Variants in GSR observed in about 807,000 individuals in gnomAD.
GSR encodes glutathione reductase, mitochondrial.
GSR carries 48 observed loss-of-function variants against 56.5 expected under a neutral mutation model. The ratio of observed to expected loss-of-function variants is 0.85; its 90% confidence interval spans 0.67 to 1.08. GSR has a LOEUF of 1.08. Ranked by LOEUF, GSR falls within the 50% of genes least tolerant of loss-of-function variation. The pLI is 0.00. For synonymous variants in GSR, 264 were observed against 270.8 expected, an observed-to-expected ratio of 0.97 and a Z score of 0.25; for missense variants, 694 against 703.3, an observed-to-expected ratio of 0.99 and a Z score of 0.15.
chr8:30,700,677 T>A (rs1265176184), intron 5 of GSR, among the ~76,000 whole-genome samples: 1 of 127,336 alleles, frequency 7.9e-6, no homozygotes, highest in Non-Finnish European at 1.6e-5. Flanking sequence ...TGAGCCGAGA[T>A]CGTGCCACTG....
At chr8:30,705,706 T>C (rs1462514046) in intron 4 of GSR, among the ~76,000 whole-genome samples, 1 of 152,078 alleles carries the variant, frequency 6.6e-6, no homozygotes, top group Non-Finnish European at 1.5e-5. Flanking sequence ...CCCTCCAGTC[T>C]GCTCAAGAGA....
rs1301297124 is a variant in GSR, at chr8:30,696,411, G to A, written c.764C>T (p.Ser255Phe). Residue 255 changes from serine (S) to phenylalanine (F), a missense_variant, in exon 7 of 13, where the codon TCT becomes TTT. Physicochemically the swap from Ser to Phe is radical, Grantham distance 155 (BLOSUM62 -2). Coordinates refer to ENST00000221130, the MANE Select transcript of GSR (RefSeq NM_000637.5). ...ATGCCGTATCATCAGTGATGTCTTAGAACCCAGGGCTGACAGGATCCCTGC... is the reference window on the plus strand; with the variant it reads ...ATGCCGTATCATCAGTGATGTCTTAAAACCCAGGGCTGACAGGATCCCTGC... The part of the protein sequence containing the change: ...EMAGILSALG[S>F]KTSLMIRHDK... The A allele has an allele frequency of 6.2e-7, 1 of 1,611,674 alleles. No individual in the cohort carries two copies.
intron 1 of GSR, among the ~76,000 whole-genome samples, chr8:30,715,926 CAT>C (rs1255662413): frequency 2.0e-5 from 3 of 152,148 alleles, no homozygotes; most frequent in African/African-American, 4.8e-5. Context: ...AATTTTAAAA[CAT>C]ATTCTTTTTT....
At position 30,703,223 on chromosome 8, in the gene GSR, G is replaced by A. The variant is rs1473096531; in HGVS notation, c.510C>T (p.Ile170=). ...NNLTKSHIEI[I]RGHAAFTSDP... is the part of the protein sequence containing the mutation. ...CACTCGTGAAGGCTGCATGGCCACG[G>A]ATGATTTCTATATGGGACTAAAGAA... The change falls in exon 5 of 13, where the codon ATC becomes ATT. Residue 170 remains isoleucine (I), a synonymous_variant. Coordinates refer to ENST00000221130, the MANE Select transcript of GSR (RefSeq NM_000637.5). 1 of 1,614,008 alleles carries A rather than the reference G, an allele frequency of 6.2e-7. No individual in the cohort carries two copies. Among genetic ancestry groups the A allele is most frequent in the South Asian group, 1.1e-5 (1 of 91,082 alleles).
chr8:30,684,243 C>T (rs766159183), intron 9 of GSR, 44 bp from the exon 10 acceptor site: 1 of 1,084,316 alleles, frequency 9.2e-7, no homozygotes, highest in South Asian at 1.2e-5. Flanking sequence ...GGCCCACCTA[C>T]TAAAAAAGGT....
At chr8:30,697,015 CT>C (rs111969970) in intron 6 of GSR, among the ~76,000 whole-genome samples, 3,611 of 148,444 alleles carry the variant, frequency 0.024, 64 homozygotes, top group Non-Finnish European at 0.036. Context: ...TTCTATTAAT[CT>C]TTTTTTTTTT....
At chr8:30,715,014 G>A (rs1032347314) in intron 1 of GSR, among the ~76,000 whole-genome samples, 7 of 152,082 alleles carry the variant, frequency 4.6e-5, no homozygotes, top group African/African-American at 1.4e-4. Flanking sequence ...GGTGGCTCAC[G>A]CCTGTAATCC....
chr8:30,703,021 G>T, intron 5 of GSR, 72 bp downstream of exon 5: 1 of 1,477,232 alleles, frequency 6.8e-7, no homozygotes, highest in Non-Finnish European at 9.5e-7. Context: ...AGATCCCCTG[G>T]CATGGCTTTT....
At position 30,689,183 on chromosome 8, in the gene GSR, T is replaced by C; in HGVS notation, c.1019A>G (p.Lys340Arg). ...TACCAGTTTGTTTAAACTCAGGTCC[T>C]TGGTATTCGGGACCCGCCCAATGGC... ...LWAIGRVPNTKDLSLNKLGIQ... is the reference protein window; with the variant it reads ...LWAIGRVPNTRDLSLNKLGIQ... The change falls in exon 9 of 13, where the codon AAG (lysine) becomes AGG (arginine). Residue 340 changes from lysine (K) to arginine (R), a missense_variant. Lys to Arg is a conservative substitution (Grantham distance 26). Coordinates refer to ENST00000221130, the MANE Select transcript of GSR (RefSeq NM_000637.5). The C allele has an allele frequency of 6.2e-7, 1 of 1,614,078 alleles. No homozygotes were observed. The highest frequency in any genetic ancestry group is 8.5e-7 in the Non-Finnish European group (1 of 1,179,958).
intron 1 of GSR, among the ~76,000 whole-genome samples, chr8:30,715,443 C>CA (rs1352730862): frequency 6.6e-6 from 1 of 152,092 alleles, no homozygotes; most frequent in Non-Finnish European, 1.5e-5. Context: ...AAGGAGGACG[C>CA]ACAGCAGGGG....
In GSR at chr8:30,681,930, C is replaced by A; in HGVS notation, c.1285G>T (p.Asp429Tyr). 6.2e-7 allele frequency: 1 copy of A among 1,613,748 alleles called. No homozygotes were observed. Among genetic ancestry groups the A allele is most frequent in the Non-Finnish European group, 8.5e-7 (1 of 1,179,712 alleles). Residue 429 changes from aspartate to tyrosine, a missense_variant and splice_region_variant, in exon 11 of 13, where the codon GAT becomes TAT. Coordinates refer to ENST00000221130, the MANE Select transcript of GSR (RefSeq NM_000637.5). ...PPIGTVGLTE[D>Y]EAIHKYGIEN... ...TGACCTTCAGTTTTTAAATACCTAC[C>A]TTCCGTGAGTCCCACTGTCCCAATA...
intron 8 of GSR, among the ~76,000 whole-genome samples, chr8:30,689,742 G>A (rs1803295013): frequency 2.0e-5 from 1 of 50,172 alleles, no homozygotes; most frequent in Non-Finnish European, 3.8e-5. Context: ...ATACGTGTGT[G>A]TGTGTATATA....
chr8:30,721,658 GA>G (rs11316943), intron 1 of GSR, among the ~76,000 whole-genome samples: 113,632 of 147,244 alleles, frequency 0.77, 47,711 homozygotes, highest in Non-Finnish European at 0.94. Flanking sequence ...GTGTCAAGAA[GA>G]AAAAAAAAAA....
At chr8:30,707,899 G>A (rs1228475224) in intron 4 of GSR, among the ~76,000 whole-genome samples, 173 bp downstream of exon 4, 3 of 152,142 alleles carry the variant, frequency 2.0e-5, no homozygotes, top group African/African-American at 7.2e-5. Context: ...GGAGGTTGCA[G>A]TGAGCCGAGA....
chr8:30,716,379 A>G (rs1804333716), intron 1 of GSR, among the ~76,000 whole-genome samples: 1 of 152,242 alleles, frequency 6.6e-6, no homozygotes, highest in South Asian at 2.1e-4. Context: ...AAGGAAGCCT[A>G]TGACCCTGAA....
intron 12 of GSR, among the ~76,000 whole-genome samples, chr8:30,680,381 G>GTTTTGTTTTTTTTTTTTTTT (rs1480095900): frequency 6.0e-5 from 2 of 33,378 alleles, no homozygotes; most frequent in Non-Finnish European, 6.3e-5. Context: ...GGCCTCTCCT[G>GTTTTGTTTTTTTTTTTTTTT]TTTTTTTTTT....
At chr8:30,680,541 C>T (rs553951482) in intron 12 of GSR, among the ~76,000 whole-genome samples, 6 of 150,804 alleles carry the variant, frequency 4.0e-5, no homozygotes, top group East Asian at 3.9e-4. Flanking sequence ...ATTACAAGCA[C>T]GCACCATCAT....
At chr8:30,685,151 G>A (rs1438750014) in intron 9 of GSR, among the ~76,000 whole-genome samples, 3 of 151,976 alleles carry the variant, frequency 2.0e-5, no homozygotes, top group Admixed American at 6.6e-5. Flanking sequence ...TAGTAGAGAC[G>A]GGGTTTCACC....
chr8:30,689,136 T>C, intron 9 of GSR, 25 bp downstream of exon 9: 5 of 1,612,318 alleles, frequency 3.1e-6, no homozygotes, highest in Non-Finnish European at 4.2e-6. Flanking sequence ...TTCACAAATG[T>C]TTCGGGCAGA....
Sources: gnomAD v4.1 joint callset for allele counts (sites outside exome capture counted in the v4.1 genomes callset) on GRCh38, gnomAD v4.1.1 for gene constraint, MANE v1.5 for transcripts, NCBI Gene and HGNC (gene_info 2026-07-23, HGNC 2026-07-21) for gene names.